AKAP13: variants seen among roughly 807,000 people sequenced by gnomAD.
AKAP13 encodes A-kinase anchor protein 13.
A neutral mutation model predicts 264.5 loss-of-function variants in AKAP13; 80 were observed. The observed-to-expected ratio is 0.30, with a 90% confidence interval of 0.25 to 0.36. The LOEUF is 0.36. Ranked by LOEUF, AKAP13 falls within the 10% of genes least tolerant of loss-of-function variation. The pLI, the probability that AKAP13 is intolerant of heterozygous loss-of-function variation, is 1.00. For missense variants in AKAP13, 3,712 were observed against 3,435.2 expected (o/e 1.08, Z -2.01); for synonymous variants, 1,380 against 1,250.2 (o/e 1.10, Z -2.19).
At chr15:85,645,773 T>TTG in intron 9 of AKAP13, 45 bp from the exon 10 acceptor site, 25 of 1,358,458 alleles carry the variant, frequency 1.8e-5, no homozygotes, top group Admixed American at 2.6e-5. Context: ...TTTGGTTTTT[T>TTG]TGTTTTTTTT....
At chr15:85,520,759 T>A (rs752506146) in intron 2 of AKAP13, 36 of 514,808 alleles carry the variant, frequency 7.0e-5, no homozygotes, top group Non-Finnish European at 1.3e-4. Flanking sequence ...TATACAGTCA[T>A]GTGTTGTTTA....
intron 33 of AKAP13, among the ~76,000 whole-genome samples, chr15:85,737,543 T>A (rs1311788730): frequency 1.3e-5 from 2 of 152,234 alleles, no homozygotes; most frequent in Admixed American, 6.5e-5. Flanking sequence ...AAGGGGAATC[T>A]TTCCTTTTTC....
chr15:85,562,607 CTCTG>C (rs2078430620), intron 5 of AKAP13, among the ~76,000 whole-genome samples: 2 of 133,438 alleles, frequency 1.5e-5, no homozygotes, highest in Non-Finnish European at 1.6e-5. Flanking sequence ...ATATATATAT[CTCTG>C]TCCTTATATC....
Position 85,735,154 on chromosome 15 carries a change from A to C in AKAP13, c.7441+4A>C. On this transcript the variant is annotated splice_donor_region_variant and intron_variant, in intron 31 of 36. Coordinates refer to ENST00000394518, the MANE Select transcript of AKAP13 (RefSeq NM_007200.5). ...CATCAGATGAATGCTTCAAAAGGTA[A>C]ATGATGTGAAGTCATGAGCTTTTAT... 1 of 1,613,032 alleles carries C rather than the reference A, an allele frequency of 6.2e-7. No homozygotes were observed. Among genetic ancestry groups the C allele is most frequent in the East Asian group, 2.2e-5 (1 of 44,876 alleles).
chr15:85,696,091 CA>C (rs1354080720), intron 17 of AKAP13, among the ~76,000 whole-genome samples: 1 of 152,142 alleles, frequency 6.6e-6, no homozygotes, highest in Non-Finnish European at 1.5e-5. Context: ...CCATACTTTC[CA>C]AGAGCTCATT....
At chr15:85,668,408 ATGAC>A (rs2151559834) in intron 13 of AKAP13, among the ~76,000 whole-genome samples, 1 of 152,308 alleles carries the variant, frequency 6.6e-6, no homozygotes, top group Admixed American at 6.5e-5. Context: ...TGGACACTAG[ATGAC>A]TGTCTTTCAG....
At chr15:85,700,791 A>G (rs2085866977) in intron 17 of AKAP13, among the ~76,000 whole-genome samples, 1 of 152,190 alleles carries the variant, frequency 6.6e-6, no homozygotes, top group Non-Finnish European at 1.5e-5. Flanking sequence ...TTAATTGAAG[A>G]TTATACTGTG....
chr15:85,662,589 A>G (rs373772745), intron 12 of AKAP13: 10 of 970,256 alleles, frequency 1.0e-5, no homozygotes, highest in African/African-American at 6.4e-5. Flanking sequence ...ACAGCATTTC[A>G]TTGCCTTTGC....
At chr15:85,640,124 A>G (rs1189150693) in intron 9 of AKAP13, among the ~76,000 whole-genome samples, 2 of 152,214 alleles carry the variant, frequency 1.3e-5, no homozygotes, top group Non-Finnish European at 2.9e-5. Flanking sequence ...TGTGTGATGT[A>G]AAGTATGTTC....
Position 85,579,023 on chromosome 15 carries a change from C to A in AKAP13, c.955C>A (p.Pro319Thr), listed in dbSNP as rs1266596145. 1 of 1,614,128 alleles carries A rather than the reference C, an allele frequency of 6.2e-7. No individual in the cohort carries two copies. The highest frequency in any genetic ancestry group is 1.7e-5 in the Admixed American group (1 of 60,014). Residue 319 changes from proline to threonine, a missense_variant, in exon 7 of 37, where the codon CCC (proline) becomes ACC (threonine). This residue lies in a region of AKAP13 where 2,759 missense variants were observed against 2,411.7 expected (regional missense o/e 1.14). Transcript: ENST00000394518. ...SAPETDGQFLPCAPEPTDPQR... is the reference protein window; with the variant it reads ...SAPETDGQFLTCAPEPTDPQR... ...CCCAGAGACAGATGGCCAGTTTCTTCCCTGTGCACCGGAGCCCACGGACCC... is the reference window on the plus strand; with the variant it reads ...CCCAGAGACAGATGGCCAGTTTCTTACCTGTGCACCGGAGCCCACGGACCC...
chr15:85,466,010 A>G (rs1428765374), intron 1 of AKAP13, among the ~76,000 whole-genome samples: 1 of 151,920 alleles, frequency 6.6e-6, no homozygotes, highest in African/African-American at 2.4e-5. Context: ...CCTCTCCAGC[A>G]CCTGTTGTTT....
At chr15:85,544,145 T>TA (rs1414753598) in intron 5 of AKAP13, 190 bp downstream of exon 5, 9 of 727,640 alleles carry the variant, frequency 1.2e-5, no homozygotes, top group Non-Finnish European at 2.2e-5. Context: ...GAGAGAAACG[T>TA]AAGTCGTGTT....
chr15:85,528,793 A>T (rs550451743), intron 3 of AKAP13, among the ~76,000 whole-genome samples: 2 of 152,148 alleles, frequency 1.3e-5, no homozygotes, highest in Non-Finnish European at 2.9e-5. Context: ...ATTAATTCCT[A>T]ATTTAAAATA....
At chr15:85,476,513 A>G (rs941101099) in intron 1 of AKAP13, among the ~76,000 whole-genome samples, 2 of 152,156 alleles carry the variant, frequency 1.3e-5, no homozygotes, top group African/African-American at 4.8e-5. Flanking sequence ...TTACTTTATT[A>G]TTTTCTTATT....
At chr15:85,386,219 C>G (rs539791330) in intron 1 of AKAP13, among the ~76,000 whole-genome samples, 1 of 152,162 alleles carries the variant, frequency 6.6e-6, no homozygotes, top group African/African-American at 2.4e-5. Context: ...CTGAGTGGAT[C>G]ATGCTTTTGG....
intron 1 of AKAP13, among the ~76,000 whole-genome samples, chr15:85,398,273 T>TA (rs1166566818): frequency 1.3e-5 from 2 of 152,262 alleles, no homozygotes; most frequent in Non-Finnish European, 2.9e-5. Flanking sequence ...TTTCATGATT[T>TA]ATGAAAGACA....
intron 2 of AKAP13, among the ~76,000 whole-genome samples, chr15:85,505,837 G>T (rs1293605881): frequency 6.6e-6 from 1 of 152,140 alleles, no homozygotes; most frequent in Non-Finnish European, 1.5e-5. Flanking sequence ...GGGTGAAGCT[G>T]TTAGGTGCTC....
At chr15:85,542,471 A>G (rs1445935806) in intron 4 of AKAP13, among the ~76,000 whole-genome samples, 1 of 152,240 alleles carries the variant, frequency 6.6e-6, no homozygotes, top group Non-Finnish European at 1.5e-5. Context: ...TTCCTTTGTG[A>G]TATTCACGTA....
intron 4 of AKAP13, among the ~76,000 whole-genome samples, chr15:85,538,977 C>T (rs924309053): frequency 4.0e-5 from 6 of 150,578 alleles, no homozygotes; most frequent in African/African-American, 1.5e-4. Flanking sequence ...ACTACAGGTG[C>T]CCGCCACCAC....
Sources: allele counts gnomAD v4.1 joint callset (sites outside exome capture counted in the v4.1 genomes callset), GRCh38; gene constraint gnomAD v4.1.1; regional missense constraint gnomAD v4.1.1; transcripts MANE v1.5; gene names NCBI Gene and HGNC (gene_info 2026-07-23, HGNC 2026-07-21).